Variants in GPHN observed in about 807,000 individuals in gnomAD.
GPHN encodes gephyrin.
In GPHN, 17 loss-of-function variants were observed where a neutral mutation model predicts 95.5. The ratio of observed to expected loss-of-function variants is 0.18; its 90% CI spans 0.12 to 0.27. The LOEUF is 0.27. Among genes scored for constraint, GPHN ranks in the 10% least tolerant of loss-of-function variants. The pLI is 1.00. For synonymous variants in GPHN, 320 were observed against 322.5 expected (o/e 0.99, Z 0.08); for missense variants, 660 against 978.1 (o/e 0.67, Z 4.34).
Position 67,159,467 on chromosome 14 carries a change from G to T in GPHN, c.1889G>T (p.Gly630Val). Residue 630 changes from glycine (G) to valine (V), a missense_variant, in exon 19 of 23, where the codon GGC becomes GTC. This residue lies in a region of GPHN where 257 missense variants were observed against 376.2 expected (regional missense o/e 0.68). Coordinates refer to ENST00000478722, the MANE Select transcript of GPHN (RefSeq NM_020806.5). The part of the protein sequence containing the change: ...DIDLHAQIHF[G>V]RVFMKPGLPT... ...GATCTTCATGCTCAGATCCATTTTG[G>T]CAGGGTTTTTATGAAACCAGGGTAT... 6.2e-7 allele frequency: 1 copy of T among 1,606,270 alleles called. No individual in the cohort carries two copies. Among genetic ancestry groups the T allele is most frequent in the Non-Finnish European group, 8.5e-7 (1 of 1,173,038 alleles).
the GPHN span, among the ~76,000 whole-genome samples, chr14:67,203,642 T>C: frequency 1.3e-5 from 2 of 152,204 alleles, no homozygotes; most frequent in Non-Finnish European, 2.9e-5. Context: ...CATGAGCAAA[T>C]TGCTTAACTT....
At position 66,924,864 on chromosome 14, in the gene GPHN, C is replaced by G. The variant is rs184014741; in HGVS notation, c.828+572C>G. Among the ~76,000 whole-genome samples, 6 of 151,290 alleles carry G rather than the reference C, an allele frequency of 4.0e-5. No homozygotes were observed. The East Asian group carries it at 1.2e-3, about 29-fold the overall frequency. ...TATTCAGTCAGTGGCTGAATGATAG[C>G]TTGCAAAAAAATGCCAGGTTGTAAA... On this transcript the variant is annotated intron_variant, in intron 8 of 22. Coordinates refer to ENST00000478722, the MANE Select transcript of GPHN (RefSeq NM_020806.5).
chr14:66,685,047 A>G (rs1301567166), intron 2 of GPHN, among the ~76,000 whole-genome samples: 3 of 152,030 alleles, frequency 2.0e-5, no homozygotes, highest in East Asian at 1.9e-4. Context: ...ATGGTTTCCA[A>G]CTTCATTCAT....
At chr14:67,179,476 G>T in intron 21 of GPHN, 102 bp from the exon 22 acceptor site, 1 of 736,074 alleles carries the variant, frequency 1.4e-6, no homozygotes, top group South Asian at 1.4e-5. Flanking sequence ...ACCAAGGTTA[G>T]TCTCCATGTC....
At chr14:67,470,819 T>C in the GPHN span, 1 of 152,612 alleles carries the variant, frequency 6.6e-6, no homozygotes, top group African/African-American at 2.4e-5. Context: ...GATGCTGCCA[T>C]GTCTAGTGGA....
chr14:66,524,747 G>A (rs1297398884), intron 1 of GPHN, among the ~76,000 whole-genome samples: 1 of 152,102 alleles, frequency 6.6e-6, no homozygotes, highest in Non-Finnish European at 1.5e-5. Flanking sequence ...AACATGTGGT[G>A]TTTGGTTTTC....
At chr14:66,539,729 A>C (rs896946256) in intron 1 of GPHN, among the ~76,000 whole-genome samples, 8 of 151,928 alleles carry the variant, frequency 5.3e-5, no homozygotes, top group Non-Finnish European at 1.2e-4. Context: ...CCTGCTTTCT[A>C]CTTTCACCAG....
At chr14:67,695,946 A>T in the GPHN span, 1 of 498,004 alleles carries the variant, frequency 2.0e-6, no homozygotes, top group East Asian at 3.2e-5. Context: ...CTGTGGGATC[A>T]TTCACCCAGC....
At chr14:66,927,342 C>G (rs1392265261) in intron 8 of GPHN, among the ~76,000 whole-genome samples, 1 of 134,596 alleles carries the variant, frequency 7.4e-6, no homozygotes, top group Non-Finnish European at 1.5e-5. Flanking sequence ...GAGCAAGACT[C>G]CATCTCAAAA....
intron 1 of GPHN, among the ~76,000 whole-genome samples, chr14:66,610,234 A>G (rs775812942): frequency 6.6e-5 from 10 of 152,140 alleles, no homozygotes; most frequent in Non-Finnish European, 1.5e-4. Context: ...TCTGTCAACC[A>G]GTAGATGGTG....
At chr14:67,692,555 C>A in the GPHN span, 1 of 1,608,132 alleles carries the variant, frequency 6.2e-7, no homozygotes, top group Non-Finnish European at 8.5e-7. Flanking sequence ...ACCAATTCCC[C>A]CTTTTCCACA....
the GPHN span, among the ~76,000 whole-genome samples, chr14:67,187,245 C>T: frequency 6.6e-6 from 1 of 152,140 alleles, no homozygotes; most frequent in Admixed American, 6.6e-5. Context: ...CAGTTGAATA[C>T]AAGGCACCAT....
the GPHN span, among the ~76,000 whole-genome samples, chr14:67,507,860 T>C: frequency 2.6e-5 from 4 of 152,084 alleles, no homozygotes; most frequent in African/African-American, 4.8e-5. Flanking sequence ...ATGACTGGGC[T>C]GGGCATGTTG....
intron 1 of GPHN, among the ~76,000 whole-genome samples, chr14:66,604,719 G>C (rs1356103353): frequency 6.6e-6 from 1 of 151,822 alleles, no homozygotes; most frequent in East Asian, 1.9e-4. Context: ...TCTTATTTTA[G>C]GTTCGGGGGT....
At chr14:67,010,853 T>G (rs2072957498) in intron 9 of GPHN, among the ~76,000 whole-genome samples, 1 of 152,070 alleles carries the variant, frequency 6.6e-6, no homozygotes, top group Non-Finnish European at 1.5e-5. Flanking sequence ...TGGTTAGAAT[T>G]TAATAGCATT....
the GPHN span, chr14:67,200,346 C>G: frequency 1.6e-6 from 1 of 642,534 alleles, no homozygotes; most frequent in East Asian, 3.1e-5. Context: ...TTTCCTTCCT[C>G]CTATTACATC....
chr14:66,760,090 A>G lies in GPHN; in HGVS notation c.144-16374A>G, dbSNP rs575491111. Among the ~76,000 whole-genome samples, 3 of 152,242 alleles carry G rather than the reference A, an allele frequency of 2.0e-5. No individual in the cohort carries two copies. In the South Asian group the frequency reaches 6.2e-4, roughly 32 times the overall value. ...TAATGTTTTCTTTACAGCACTTACA[A>G]TATTTGAAATTTTCTACTTATTCAT... On this transcript the variant is annotated intron_variant, in intron 2 of 22. Coordinates refer to ENST00000478722, the MANE Select transcript of GPHN (RefSeq NM_020806.5).
chr14:66,853,397 T>C (rs887375307), intron 4 of GPHN, among the ~76,000 whole-genome samples: 9 of 152,206 alleles, frequency 5.9e-5, no homozygotes, highest in Non-Finnish European at 1.2e-4. Flanking sequence ...TAGTATGTAT[T>C]AGTCTGTTGT....
the GPHN span, chr14:67,650,903 G>A: frequency 6.2e-7 from 1 of 1,614,080 alleles, no homozygotes. Flanking sequence ...AGAAAATCAA[G>A]CACGTGTGAG....
Sources: gnomAD v4.1 joint callset for allele counts (sites outside exome capture counted in the v4.1 genomes callset) on GRCh38, gnomAD v4.1.1 for gene constraint, gnomAD v4.1.1 regional missense constraint, MANE v1.5 for transcripts, NCBI Gene and HGNC (gene_info 2026-07-23, HGNC 2026-07-21) for gene names.